The following BCLAF1 variants were observed in gnomAD, a reference collection of about 807,000 sequenced individuals.
The protein encoded by BCLAF1 is BCL2 associated transcription factor 1.
BCLAF1 carries 10 observed loss-of-function variants against 99.5 expected under a neutral mutation model. That is an observed-to-expected ratio of 0.10 (90% CI 0.06 to 0.17). The LOEUF (loss-of-function observed/expected upper bound fraction) is 0.17. Among genes scored for constraint, BCLAF1 ranks in the 10% least tolerant of loss-of-function variants. The pLI is 1.00. For missense variants in BCLAF1, 636 were observed against 1,105.8 expected, an observed-to-expected ratio of 0.58 and a Z score of 6.02; for synonymous variants, 255 against 370.9, an observed-to-expected ratio of 0.69 and a Z score of 3.59.
intron 1 of BCLAF1, among the ~76,000 whole-genome samples, chr6:136,287,561 C>G (rs1158053864): frequency 6.6e-6 from 1 of 152,152 alleles, no homozygotes; most frequent in East Asian, 1.9e-4. Context: ...AATAACAAAT[C>G]ACTGTAAATT....
intron 1 of BCLAF1, among the ~76,000 whole-genome samples, chr6:136,286,404 G>GT (rs1378823249): frequency 1.3e-5 from 2 of 152,118 alleles, no homozygotes; most frequent in Non-Finnish European, 2.9e-5. Context: ...TTCTGCAGGT[G>GT]TTTTTTTGTT....
intron 2 of BCLAF1, among the ~76,000 whole-genome samples, chr6:136,282,223 C>A (rs1336045652): frequency 6.6e-6 from 1 of 151,952 alleles, no homozygotes; most frequent in Non-Finnish European, 1.5e-5. Context: ...AACACATTAG[C>A]AATCAATTTG....
chr6:136,273,236 A>G, intron 6 of BCLAF1, 49 bp from the exon 7 acceptor site: 1 of 1,523,494 alleles, frequency 6.6e-7, no homozygotes, highest in Non-Finnish European at 9.0e-7. Flanking sequence ...TTACTTTAAG[A>G]GAGATTTGTT....
rs1000670945 is a variant in BCLAF1, at chr6:136,258,778, C to A, written c.*2332G>T. 5.2e-5 allele frequency: 8 copies of A among 152,442 alleles called. No individual in the cohort carries two copies. Among genetic ancestry groups the A allele is most frequent in the African/African-American group, 1.9e-4 (8 of 41,432 alleles). The allele number at this position is 152,442 out of a possible 1,614,324, so 9.4% of individuals were successfully genotyped here. A position where few individuals can be genotyped will look rare whatever the true frequency, so the allele number is the denominator to read the frequency against. ...AACAATAGTAATTCCTTGAAGAAGA[C>A]TAACTGGAAAAAACATTTTGCTTTT... On this transcript the variant is annotated 3_prime_UTR_variant, in exon 13 of 13. Transcript: ENST00000531224.
chr6:136,277,883 G>C lies in BCLAF1; in HGVS notation c.998C>G (p.Thr333Ser), dbSNP rs1783659646. Reference sequence around the variant, plus strand: ...TTTTTACCTTTTTAAGAACTTCCCAGTCTTTGCAGTTTCCTGATCTCCACC... The same window carrying C: ...TTTTTACCTTTTTAAGAACTTCCCACTCTTTGCAGTTTCCTGATCTCCACC... ...PDGGDQETAK[T>S]GKFLKRFTDE... The change falls in exon 4 of 13, where the codon ACT becomes AGT. Residue 333 changes from threonine to serine, a missense_variant. By Grantham distance (58) the Thr-to-Ser change is moderately conservative (BLOSUM62 1). Coordinates refer to ENST00000531224, the MANE Select transcript of BCLAF1 (RefSeq NM_014739.3). 1 of 1,604,224 alleles carries C rather than the reference G, an allele frequency of 6.2e-7. No homozygotes were observed. Among genetic ancestry groups the C allele is most frequent in the African/African-American group, 1.3e-5 (1 of 74,164 alleles).
Position 136,279,786 on chromosome 6 carries a change from AGATCTT to A in BCLAF1, c.75_80del (p.Arg26_Ser27del), listed in dbSNP as rs753600732. 9.5e-6 allele frequency: 15 copies of A among 1,573,246 alleles called. No individual in the cohort carries two copies. Among genetic ancestry groups the A allele is most frequent in the South Asian group, 3.7e-5 (3 of 81,530 alleles). ...ACCTGTATCGCTTCTTTCTAGAATG[AGATCTT>A]GATCTTGATCGAGAACTAGACTGTG... On this transcript the variant is annotated inframe_deletion, in exon 3 of 13. Transcript: ENST00000531224.
rs1218145396 is a variant in BCLAF1 at position 136,259,911 on chromosome 6, GAC to G, written c.*1197_*1198del. The G allele has an allele frequency of 6.6e-6, 1 of 151,662 alleles. No individual in the cohort carries two copies. Among genetic ancestry groups the G allele is most frequent in the African/African-American group, 2.4e-5 (1 of 41,308 alleles). 9.4% of individuals were successfully genotyped at this position (151,662 alleles called of 1,614,324 possible). On this transcript the variant is annotated 3_prime_UTR_variant, in exon 13 of 13. Transcript: ENST00000531224. Reference sequence around the variant, plus strand: ...CACTCCTTTAAGAGCTATCAATATAGACACAAAAGATAATTCACATTTGAAAA... The same window carrying G: ...CACTCCTTTAAGAGCTATCAATATAGACAAAAGATAATTCACATTTGAAAA...
At chr6:136,284,865 G>C (rs1356358333) in intron 1 of BCLAF1, among the ~76,000 whole-genome samples, 1 of 152,128 alleles carries the variant, frequency 6.6e-6, no homozygotes, top group African/African-American at 2.4e-5. Context: ...ACATGCAGAG[G>C]AGGTGGGCAG....
intron 6 of BCLAF1, 87 bp from the exon 7 acceptor site, chr6:136,273,274 A>T: frequency 8.9e-7 from 1 of 1,122,824 alleles, no homozygotes; most frequent in South Asian, 1.4e-5. Flanking sequence ...TAGCAGGTGA[A>T]AAGAAAATAA....
intron 7 of BCLAF1, 73 bp downstream of exon 7, chr6:136,273,009 A>G: frequency 9.3e-7 from 1 of 1,079,978 alleles, no homozygotes; most frequent in South Asian, 1.5e-5. Flanking sequence ...ACAAACTTCC[A>G]ATACAATCTT....
intron 11 of BCLAF1, among the ~76,000 whole-genome samples, chr6:136,265,973 T>A (rs762609321): frequency 3.3e-5 from 5 of 152,126 alleles, no homozygotes. Flanking sequence ...GCCTTTTACT[T>A]TCCAGAATGT....
intron 7 of BCLAF1, among the ~76,000 whole-genome samples, chr6:136,272,505 G>T (rs549003963): frequency 6.6e-6 from 1 of 151,828 alleles, no homozygotes; most frequent in African/African-American, 2.4e-5. Context: ...CAACTACCCA[G>T]TGCTTCTTTA....
chr6:136,262,847 T>C (rs1781204413), intron 11 of BCLAF1, among the ~76,000 whole-genome samples: 1 of 152,154 alleles, frequency 6.6e-6, no homozygotes, highest in African/African-American at 2.4e-5. Flanking sequence ...CAATACACCA[T>C]GGATTCTGGG....
intron 2 of BCLAF1, among the ~76,000 whole-genome samples, chr6:136,282,378 G>C (rs1784489864): frequency 6.6e-6 from 1 of 151,914 alleles, no homozygotes; most frequent in South Asian, 2.1e-4. Flanking sequence ...AAAAGCAGGA[G>C]CACAACCTGG....
chr6:136,273,097 C>G lies in BCLAF1; in HGVS notation c.1943G>C (p.Ser648Thr). The change falls in exon 7 of 13, where the codon AGC becomes ACC. Residue 648 changes from serine (S) to threonine (T), a missense_variant. By Grantham distance (58) the Ser-to-Thr change is moderately conservative. Transcript: ENST00000531224. ...ATEEHSTRQK[S>T]PEIHRRIDIS... ...GGATACATACCTGTGTATTTCAGGG[C>G]TCTTTTGCCGAGTACTATGTTCTTC... 6.2e-7 allele frequency: 1 copy of G among 1,611,456 alleles called. No individual in the cohort carries two copies. The highest frequency in any genetic ancestry group is 1.1e-5 in the South Asian group (1 of 90,944).
intron 11 of BCLAF1, among the ~76,000 whole-genome samples, chr6:136,264,998 A>G (rs1781526375): frequency 6.6e-6 from 1 of 152,226 alleles, no homozygotes; most frequent in Non-Finnish European, 1.5e-5. Context: ...GTTAAGGGTT[A>G]GCAGACTCAA....
At chr6:136,261,997 T>C (rs1781077292) in intron 11 of BCLAF1, among the ~76,000 whole-genome samples, 1 of 152,268 alleles carries the variant, frequency 6.6e-6, no homozygotes, top group Admixed American at 6.5e-5. Context: ...TCTAGATCAA[T>C]GTACAGTACA....
At chr6:136,268,463 A>T (rs1216586869) in intron 9 of BCLAF1, 124 bp from the exon 10 acceptor site, 8 of 881,388 alleles carry the variant, frequency 9.1e-6, no homozygotes, top group Non-Finnish European at 1.4e-5. Flanking sequence ...TATGTAAATA[A>T]AATAATTGGG....
chr6:136,278,760 T>C lies in BCLAF1; in HGVS notation c.121A>G (p.Arg41Gly). 5 of 1,553,462 alleles carry C rather than the reference T, an allele frequency of 3.2e-6. No homozygotes were observed. Among genetic ancestry groups the C allele is most frequent in the Non-Finnish European group, 4.3e-6 (5 of 1,152,962 alleles). ...CTACTACGAGACCTTGAATATGTTCTGGAACGAGACCTAGAACTAAAAATG... is the reference window on the plus strand; with the variant it reads ...CTACTACGAGACCTTGAATATGTTCCGGAACGAGACCTAGAACTAAAAATG... ...KKRYSSRSRSRTYSRSRSRDR... is the reference protein window; with the variant it reads ...KKRYSSRSRSGTYSRSRSRDR... Residue 41 changes from arginine (R) to glycine (G), a missense_variant, in exon 4 of 13, where the codon AGA becomes GGA. Physicochemically the swap from Arg to Gly is moderately radical, Grantham distance 125 (BLOSUM62 -2). This residue lies in a region of BCLAF1 where 81 missense variants were observed against 132.5 expected (regional missense o/e 0.61). Transcript: ENST00000531224.
Sources: allele counts gnomAD v4.1 joint callset (sites outside exome capture counted in the v4.1 genomes callset), GRCh38; gene constraint gnomAD v4.1.1; regional missense constraint gnomAD v4.1.1; transcripts MANE v1.5; gene names NCBI Gene and HGNC (gene_info 2026-07-23, HGNC 2026-07-21).